The following HTR2A variants were observed in gnomAD, a reference collection of about 807,000 sequenced individuals.
HTR2A encodes the protein 5-HT2 receptor.
Under a neutral mutation model 31.0 loss-of-function variants are expected in HTR2A, and 14 were observed. That is an observed-to-expected ratio of 0.45 (90% CI 0.30 to 0.71). HTR2A has a LOEUF of 0.71. Ranked by LOEUF, HTR2A falls within the 30% of genes least tolerant of loss-of-function variation. The pLI, the probability that HTR2A is intolerant of heterozygous loss-of-function variation, is 0.09. For missense variants in HTR2A, 442 were observed against 573.3 expected (o/e 0.77, Z 2.34); for synonymous variants, 209 against 225.2 (o/e 0.93, Z 0.64).
chr13:46,855,634 T>TA (rs148057687), intron 3 of HTR2A, among the ~76,000 whole-genome samples: 3 of 151,998 alleles, frequency 2.0e-5, no homozygotes, highest in Non-Finnish European at 4.4e-5. Flanking sequence ...TTTCCCTCCC[T>TA]AAAAAAGGCC....
intron 3 of HTR2A, among the ~76,000 whole-genome samples, chr13:46,886,011 T>C (rs1033696245): frequency 6.6e-6 from 1 of 152,236 alleles, no homozygotes; most frequent in Non-Finnish European, 1.5e-5. Flanking sequence ...ACATTGCAAA[T>C]ATTTTTCGTT....
At chr13:46,896,637 T>G in intron 1 of HTR2A, 37 bp downstream of exon 1, 8 of 1,441,408 alleles carry the variant, frequency 5.6e-6, no homozygotes, top group Non-Finnish European at 6.5e-6. Flanking sequence ...GGAAAGAAAA[T>G]TACACAGCAA....
At chr13:46,876,566 C>G (rs915989461) in intron 3 of HTR2A, among the ~76,000 whole-genome samples, 1 of 151,308 alleles carries the variant, frequency 6.6e-6, no homozygotes, top group East Asian at 1.9e-4. Flanking sequence ...CCTGCCACCA[C>G]GCCCTACTAA....
chr13:46,896,674 AT>A lies in HTR2A; in HGVS notation c.-330del, dbSNP rs748282886. On this transcript the variant is annotated splice_region_variant and 5_prime_UTR_variant, in exon 1 of 4. The change creates a new upstream start codon in the 5' untranslated region. Coordinates refer to ENST00000542664, the MANE Select transcript of HTR2A (RefSeq NM_000621.5). ...AAAATATAGCGGCATGAGAACTTAC[AT>A]TTGTCTTCAGGGTCCACACATGAGA... 164 of 1,522,374 alleles carry A rather than the reference AT, an allele frequency of 1.1e-4. No homozygotes were observed. Among genetic ancestry groups the A allele is most frequent in the Non-Finnish European group, 1.4e-4 (160 of 1,140,298 alleles). 94.3% of individuals were successfully genotyped at this position (1,522,374 alleles called of 1,614,324 possible).
At chr13:46,849,098 C>T (rs1950663734) in intron 3 of HTR2A, among the ~76,000 whole-genome samples, 1 of 152,142 alleles carries the variant, frequency 6.6e-6, no homozygotes, top group South Asian at 2.1e-4. Context: ...CTGGGTTGCA[C>T]TCGCTCACCC....
chr13:46,859,146 A>G (rs1261546082), intron 3 of HTR2A, among the ~76,000 whole-genome samples: 1 of 152,246 alleles, frequency 6.6e-6, no homozygotes, highest in Non-Finnish European at 1.5e-5. Context: ...TGGTATTTGC[A>G]GGGATCTCTC....
intron 3 of HTR2A, among the ~76,000 whole-genome samples, chr13:46,847,537 T>C (rs1052775598): frequency 2.0e-5 from 3 of 152,204 alleles, no homozygotes; most frequent in Admixed American, 1.3e-4. Context: ...ACAAAACACA[T>C]TGTGCAAGCC....
chr13:46,851,368 A>T (rs746711597), intron 3 of HTR2A, among the ~76,000 whole-genome samples: 1 of 152,222 alleles, frequency 6.6e-6, no homozygotes, highest in Non-Finnish European at 1.5e-5. Flanking sequence ...TCCTTGATAC[A>T]TTGTATATTC....
intron 3 of HTR2A, among the ~76,000 whole-genome samples, chr13:46,890,683 G>A (rs764682125): frequency 6.6e-6 from 1 of 152,196 alleles, no homozygotes; most frequent in Non-Finnish European, 1.5e-5. Context: ...AGGAAAAGAT[G>A]GTTGACCTTC....
chr13:46,893,628 A>G (rs964368450), intron 2 of HTR2A, among the ~76,000 whole-genome samples: 10 of 152,204 alleles, frequency 6.6e-5, no homozygotes, highest in African/African-American at 2.2e-4. Flanking sequence ...GACAATTCCA[A>G]TGTAAGAGAT....
chr13:46,881,672 C>T (rs1444947058), intron 3 of HTR2A, among the ~76,000 whole-genome samples: 1 of 152,176 alleles, frequency 6.6e-6, no homozygotes, highest in East Asian at 1.9e-4. Context: ...CCCTTTCTGT[C>T]CTGGTTGCCT....
At chr13:46,893,736 A>T (rs989766542) in intron 2 of HTR2A, among the ~76,000 whole-genome samples, 1 of 152,214 alleles carries the variant, frequency 6.6e-6, no homozygotes, top group Non-Finnish European at 1.5e-5. Flanking sequence ...TTAAGCAGTT[A>T]TGTAAACCTT....
intron 3 of HTR2A, among the ~76,000 whole-genome samples, chr13:46,883,416 C>T (rs143005600): frequency 2.6e-5 from 4 of 152,274 alleles, no homozygotes; most frequent in East Asian, 1.9e-4. Context: ...TTTAGACTGA[C>T]GGTACTTCAA....
intron 3 of HTR2A, among the ~76,000 whole-genome samples, chr13:46,873,427 T>TTTTTTA (rs372887786): frequency 2.1e-5 from 3 of 144,812 alleles, no homozygotes; most frequent in East Asian, 2.0e-4. Flanking sequence ...TAATATAAAA[T>TTTTTTA]TTATTATTAT....
intron 3 of HTR2A, among the ~76,000 whole-genome samples, chr13:46,850,691 C>T (rs991428565): frequency 6.6e-6 from 1 of 152,100 alleles, no homozygotes; most frequent in Non-Finnish European, 1.5e-5. Context: ...GGGGACAGGC[C>T]TCCTTTTATC....
chr13:46,832,733 C>T lies in HTR2A; in HGVS notation c.*2104G>A, dbSNP rs1876291576. The stretch of plus-strand genomic sequence containing the variant: ...AACAGTGAACCATCTTTCAACATAT[C>T]TATGAGGACATAATGAGAATTTTAT... On this transcript the variant is annotated 3_prime_UTR_variant, in exon 4 of 4. Transcript: ENST00000542664. 6.6e-6 allele frequency: 1 copy of T among 152,144 alleles called. No homozygotes were observed. The highest frequency in any genetic ancestry group is 6.5e-5 in the Admixed American group (1 of 15,276). 9.4% of individuals were successfully genotyped at this position (152,144 alleles called of 1,614,324 possible).
At chr13:46,836,111 T>C (rs1360221683) in intron 3 of HTR2A, among the ~76,000 whole-genome samples, 1 of 152,150 alleles carries the variant, frequency 6.6e-6, no homozygotes, top group African/African-American at 2.4e-5. Context: ...TCATTTTAGA[T>C]ACATTCACAC....
At position 46,851,396 on chromosome 13, in the gene HTR2A, A is replaced by G. The variant is rs546917390; in HGVS notation, c.614-15757T>C. On this transcript the variant is annotated intron_variant, in intron 3 of 3. Coordinates refer to ENST00000542664, the MANE Select transcript of HTR2A (RefSeq NM_000621.5). ...GTATATTCTGGTTCAAACATAGTAC[A>G]TGCACAGATACATACAGCACAAAAC... 2.0e-4 allele frequency among the ~76,000 whole-genome samples: 30 copies of G among 152,348 alleles called. 1 individual carries two copies. The South Asian group carries it at 6.2e-3, about 32-fold the overall frequency.
At position 46,896,141 on chromosome 13, in the gene HTR2A, T is replaced by G. The variant is rs1593448045; in HGVS notation, c.-235A>C. ...TAGGAGAGTCCACTGTTTGGTTTTA[T>G]TATTTTCTCACCAAACCGAGGACAA... On this transcript the variant is annotated 5_prime_UTR_variant, in exon 2 of 4. It removes the in-frame stop codon of an upstream open reading frame in the 5' UTR. Transcript: ENST00000542664. 1 of 1,255,230 alleles carries G rather than the reference T, an allele frequency of 8.0e-7. No homozygotes were observed. Among genetic ancestry groups the G allele is most frequent in the Admixed American group, 3.8e-5 (1 of 26,026 alleles). The allele number at this position is 1,255,230 out of a possible 1,614,324, so 77.8% of individuals were successfully genotyped here. A position where few individuals can be genotyped will look rare whatever the true frequency, so the allele number is the denominator to read the frequency against.
Sources: allele counts gnomAD v4.1 joint callset (sites outside exome capture counted in the v4.1 genomes callset), GRCh38; gene constraint gnomAD v4.1.1; transcripts MANE v1.5; gene names NCBI Gene and HGNC (gene_info 2026-07-23, HGNC 2026-07-21).